TMEM19: variants seen among roughly 807,000 people sequenced by gnomAD.
The protein encoded by TMEM19 is transmembrane protein 19.
In TMEM19, 21 loss-of-function variants were observed where a neutral mutation model predicts 33.6. That is an observed-to-expected ratio of 0.62 (90% CI 0.44 to 0.90). TMEM19 has a LOEUF of 0.90. Ranked by LOEUF, TMEM19 falls within the 40% of genes least tolerant of loss-of-function variation. The probability of loss-of-function intolerance (pLI) is 0.00; values close to 1 mark genes in which losing one functional copy is unlikely to be tolerated. For missense variants in TMEM19, 402 were observed against 401.8 expected (o/e 1.00, Z 0.00); for synonymous variants, 149 against 147.5 (o/e 1.01, Z -0.07).
At chr12:71,687,598 T>G (rs1565849497) in intron 1 of TMEM19, among the ~76,000 whole-genome samples, 2 of 152,134 alleles carry the variant, frequency 1.3e-5, no homozygotes, top group South Asian at 2.1e-4. Flanking sequence ...GTTTCACATG[T>G]TCTGTAAAAA....
rs765076794 is a variant in TMEM19 at position 71,686,704 on chromosome 12, A to T, written c.24A>T (p.Ile8=). The change falls in exon 1 of 6, where the codon ATA becomes ATT. Residue 8 remains isoleucine (I), a synonymous_variant. Coordinates refer to ENST00000266673, the MANE Select transcript of TMEM19 (RefSeq NM_018279.4). MTDLNDN[I]CKRYIKMITN... is the part of the protein sequence containing the mutation. ...CCATGACAGATCTTAACGACAATAT[A>T]TGCAAAAGATATATAAAGATGATAA... is the stretch of plus-strand genomic sequence containing the variant. 6.8e-6 allele frequency: 11 copies of T among 1,611,326 alleles called. No homozygotes were observed. Among genetic ancestry groups the T allele is most frequent in the Middle Eastern group, 3.3e-4 (2 of 6,054 alleles).
In TMEM19 at chr12:71,703,947, A is replaced by C. The variant is rs372699641; in HGVS notation, c.*2952A>C. 27 of 431,412 alleles carry C rather than the reference A, an allele frequency of 6.3e-5. No homozygotes were observed. The highest frequency in any genetic ancestry group is 5.3e-4 in the African/African-American group (26 of 49,120). 26.7% of individuals were successfully genotyped at this position (431,412 alleles called of 1,614,324 possible). On this transcript the variant is annotated 3_prime_UTR_variant, in exon 6 of 6. Transcript: ENST00000266673. ...TAACATCTTTTGAATTGGATATTTA[A>C]CTAATTCAACATATTTTTCCTCTTT...
At chr12:71,696,606 A>G (rs1881875393) in intron 3 of TMEM19, 33 bp downstream of exon 3, 7 of 1,520,830 alleles carry the variant, frequency 4.6e-6, no homozygotes, top group Non-Finnish European at 6.2e-6. Context: ...TCAAAATAGT[A>G]AACTTCATTT....
At chr12:71,696,635 T>C in intron 3 of TMEM19, 62 bp downstream of exon 3, 1 of 1,440,876 alleles carries the variant, frequency 6.9e-7, no homozygotes, top group Non-Finnish European at 9.3e-7. Context: ...CATAAGGTTT[T>C]TTTTTGTTTT....
At position 71,689,681 on chromosome 12, in the gene TMEM19, T is replaced by G; in HGVS notation, c.221T>G (p.Leu74Arg). 1 of 1,613,918 alleles carries G rather than the reference T, an allele frequency of 6.2e-7. No homozygotes were observed. Among genetic ancestry groups the G allele is most frequent in the Non-Finnish European group, 8.5e-7 (1 of 1,179,816 alleles). The stretch of plus-strand genomic sequence containing the variant: ...TCTAATGGCCTTAAAAAGAAAAGTC[T>G]AGATCACAGTGGGGCTCTAGGAGGT... ...IVSNGLKKKS[L>R]DHSGALGGLV... The change falls in exon 2 of 6, where the codon CTA becomes CGA. Residue 74 changes from leucine to arginine, a missense_variant. Transcript: ENST00000266673.
In TMEM19 at chr12:71,686,238, A is replaced by T. The variant is rs1881683382; in HGVS notation, c.-443A>T. ...CAGCCGCGTCGGGCGTGCTTCCCAG[A>T]CTTGCCCAAGTTCGGGTGCCCTAGC... On this transcript the variant is annotated 5_prime_UTR_variant, in exon 1 of 6. Coordinates refer to ENST00000266673, the MANE Select transcript of TMEM19 (RefSeq NM_018279.4). The T allele has an allele frequency of 1.4e-5, 3 of 215,434 alleles. No individual in the cohort carries two copies. In the South Asian group the frequency reaches 1.7e-4, roughly 12 times the overall value. The allele number at this position is 215,434 out of a possible 1,614,324, so 13.3% of individuals were successfully genotyped here. A position where few individuals can be genotyped will look rare whatever the true frequency, so the allele number is the denominator to read the frequency against.
At chr12:71,700,760 A>G (rs1351908646) in intron 5 of TMEM19, 72 bp from the exon 6 acceptor site, 6 of 1,421,314 alleles carry the variant, frequency 4.2e-6, no homozygotes, top group East Asian at 4.8e-5. Flanking sequence ...TAAAAAAAAA[A>G]AAAAAGAAAG....
In TMEM19 at chr12:71,686,616, G is replaced by A. The variant is rs1188074169; in HGVS notation, c.-65G>A. On this transcript the variant is annotated 5_prime_UTR_variant, in exon 1 of 6. Transcript: ENST00000266673. ...TCTGAACAAGTGTCTTGCTCACATC[G>A]TAAATGACTTTCTCTCCGAAACGCT... 1.9e-6 allele frequency: 3 copies of A among 1,573,632 alleles called. No homozygotes were observed. The Admixed American group carries it at 5.1e-5, about 27-fold the overall frequency.
intron 2 of TMEM19, among the ~76,000 whole-genome samples, chr12:71,695,857 T>C (rs1274736968): frequency 6.6e-6 from 1 of 152,194 alleles, no homozygotes; most frequent in Non-Finnish European, 1.5e-5. Flanking sequence ...GCTGAAGCAC[T>C]TTGTTATTAT....
At chr12:71,695,048 A>G (rs116189862) in intron 2 of TMEM19, among the ~76,000 whole-genome samples, 1,702 of 152,280 alleles carry the variant, frequency 0.011, 10 homozygotes, top group Middle Eastern at 0.044. Flanking sequence ...GGAGTGCCCT[A>G]TTGTCATATA....
chr12:71,686,399 G>C lies in TMEM19; in HGVS notation c.-282G>C. On this transcript the variant is annotated 5_prime_UTR_variant, in exon 1 of 6. Coordinates refer to ENST00000266673, the MANE Select transcript of TMEM19 (RefSeq NM_018279.4). ...TTTTCCCCGTGGGCTCCGGCGTGAG[G>C]CGCTGAAGCGGCCGGCAGCCGGCGA... 1 of 316,462 alleles carries C rather than the reference G, an allele frequency of 3.2e-6. No homozygotes were observed. Among genetic ancestry groups the C allele is most frequent in the Non-Finnish European group, 5.8e-6 (1 of 172,136 alleles). The allele number at this position is 316,462 out of a possible 1,614,324, so 19.6% of individuals were successfully genotyped here.
chr12:71,689,429 CTATCTT>C (rs1038141830), intron 1 of TMEM19, among the ~76,000 whole-genome samples, 156 bp from the exon 2 acceptor site: 3 of 152,152 alleles, frequency 2.0e-5, no homozygotes, highest in Admixed American at 1.3e-4. Flanking sequence ...GAACATATCC[CTATCTT>C]TAAGTGATGC....
Position 71,703,184 on chromosome 12 carries a change from T to G in TMEM19, c.*2189T>G, listed in dbSNP as rs1882011152. On this transcript the variant is annotated 3_prime_UTR_variant, in exon 6 of 6. Transcript: ENST00000266673. ...AGAGGGAGACTCCATCTAGACTCCATCTCAAAAAAAAAAAAAAAAAAAAAA... is the reference window on the plus strand; with the variant it reads ...AGAGGGAGACTCCATCTAGACTCCAGCTCAAAAAAAAAAAAAAAAAAAAAA... 3.0e-5 allele frequency: 1 copy of G among 33,466 alleles called. No individual in the cohort carries two copies. Among genetic ancestry groups the G allele is most frequent in the African/African-American group, 1.1e-4 (1 of 9,320 alleles). The allele number at this position is 33,466 out of a possible 1,614,324, so 2.1% of individuals were successfully genotyped here. A position where few individuals can be genotyped will look rare whatever the true frequency, so the allele number is the denominator to read the frequency against.
Position 71,686,226 on chromosome 12 carries a change from C to G in TMEM19, c.-455C>G, listed in dbSNP as rs541237107. 263 of 197,662 alleles carry G rather than the reference C, an allele frequency of 1.3e-3. No individual in the cohort carries two copies. The highest frequency in any genetic ancestry group is 2.2e-3 in the Non-Finnish European group (211 of 96,742). 12.2% of individuals were successfully genotyped at this position (197,662 alleles called of 1,614,324 possible). On this transcript the variant is annotated 5_prime_UTR_variant, in exon 1 of 6. Coordinates refer to ENST00000266673, the MANE Select transcript of TMEM19 (RefSeq NM_018279.4). ...CGTGACTGCGTTCAGCCGCGTCGGG[C>G]GTGCTTCCCAGACTTGCCCAAGTTC...
intron 2 of TMEM19, among the ~76,000 whole-genome samples, chr12:71,691,312 G>A (rs1246448260): frequency 6.6e-6 from 1 of 152,000 alleles, no homozygotes; most frequent in Non-Finnish European, 1.5e-5. Flanking sequence ...TAATCAATAA[G>A]TATTAGGAGT....
At chr12:71,698,561 C>T (rs1019787436) in intron 4 of TMEM19, among the ~76,000 whole-genome samples, 1 of 149,820 alleles carries the variant, frequency 6.7e-6, no homozygotes, top group Non-Finnish European at 1.5e-5. Context: ...TATGATCACA[C>T]CATTGTACTC....
Position 71,701,633 on chromosome 12 carries a change from T to C in TMEM19, c.*638T>C, listed in dbSNP as rs1485791377. 6.6e-6 allele frequency: 1 copy of C among 152,222 alleles called. No homozygotes were observed. Among genetic ancestry groups the C allele is most frequent in the Non-Finnish European group, 1.5e-5 (1 of 68,024 alleles). The allele number at this position is 152,222 out of a possible 1,614,324, so 9.4% of individuals were successfully genotyped here. The stretch of plus-strand genomic sequence containing the variant: ...TCTTTTTCATATGTCCATTAGAATG[T>C]ATGAAAAAAATCATTTTAACTAAAA... On this transcript the variant is annotated 3_prime_UTR_variant, in exon 6 of 6. Transcript: ENST00000266673.
In TMEM19 at chr12:71,689,619, T is replaced by C. The variant is rs113958155; in HGVS notation, c.159T>C (p.Arg53=). Residue 53 remains arginine (R), a synonymous_variant, in exon 2 of 6, where the codon CGT becomes CGC. Coordinates refer to ENST00000266673, the MANE Select transcript of TMEM19 (RefSeq NM_018279.4). ...ACTTACGACCTATTTCTCCGTGGCGTTGGCTGTTTTCTGTTGTTGTTCCTG... is the reference window on the plus strand; with the variant it reads ...ACTTACGACCTATTTCTCCGTGGCGCTGGCTGTTTTCTGTTGTTGTTCCTG... The part of the protein sequence containing the change: ...YGNLRPISPW[R]WLFSVVVPVL... 1.2e-6 allele frequency: 2 copies of C among 1,614,152 alleles called. No homozygotes were observed. The highest frequency in any genetic ancestry group is 1.7e-6 in the Non-Finnish European group (2 of 1,180,028).
chr12:71,692,139 A>C (rs1881796608), intron 2 of TMEM19, among the ~76,000 whole-genome samples: 2 of 152,220 alleles, frequency 1.3e-5, no homozygotes, highest in South Asian at 4.1e-4. Flanking sequence ...CATCTTTGTA[A>C]ACTATACAAA....
Sources: allele counts gnomAD v4.1 joint callset (sites outside exome capture counted in the v4.1 genomes callset), GRCh38; gene constraint gnomAD v4.1.1; transcripts MANE v1.5; gene names NCBI Gene and HGNC (gene_info 2026-07-23, HGNC 2026-07-21).